Variants in GRIN2B observed in about 807,000 individuals in gnomAD.
GRIN2B encodes glutamate receptor ionotropic, NMDA 2B.
A neutral mutation model predicts 114.5 loss-of-function variants in GRIN2B; 5 were observed. That is an observed-to-expected ratio of 0.04 (90% confidence interval 0.02 to 0.09). The LOEUF (loss-of-function observed/expected upper bound fraction) is 0.09, where lower values mean the gene tolerates loss of function less well. GRIN2B is among the 10% of genes least tolerant of loss of function. The pLI is 1.00. For synonymous variants in GRIN2B, 787 were observed against 745.1 expected (o/e 1.06, Z -0.92); for missense variants, 1,108 against 1,943.5 (o/e 0.57, Z 8.08).
At chr12:13,739,066 T>C (rs1863231704) in intron 4 of GRIN2B, among the ~76,000 whole-genome samples, 1 of 152,056 alleles carries the variant, frequency 6.6e-6, no homozygotes, top group Non-Finnish European at 1.5e-5. Flanking sequence ...TGATACACTT[T>C]AGAAGACTCT....
intron 4 of GRIN2B, among the ~76,000 whole-genome samples, chr12:13,742,493 T>G (rs1451915066): frequency 2.6e-5 from 4 of 152,180 alleles, no homozygotes; most frequent in African/African-American, 9.7e-5. Context: ...TACAGTGGCA[T>G]GATCTCGGCT....
At chr12:13,628,671 C>T (rs1018536103) in intron 5 of GRIN2B, among the ~76,000 whole-genome samples, 1 of 152,200 alleles carries the variant, frequency 6.6e-6, no homozygotes, top group Admixed American at 6.5e-5. Context: ...TCAGATGAGA[C>T]TGCAGAGAGC....
intron 4 of GRIN2B, among the ~76,000 whole-genome samples, chr12:13,685,015 T>C (rs2136550436): frequency 6.6e-6 from 1 of 152,316 alleles, no homozygotes; most frequent in South Asian, 2.1e-4. Flanking sequence ...TCCTGTGAAC[T>C]TTCAGGCCTA....
intron 5 of GRIN2B, among the ~76,000 whole-genome samples, chr12:13,625,847 C>T (rs545118289): frequency 5.9e-5 from 9 of 152,262 alleles, no homozygotes; most frequent in South Asian, 2.1e-4. Context: ...TCCCATTGAG[C>T]GAGGTGGTGC....
chr12:13,911,341 C>A (rs1262810252), intron 2 of GRIN2B, among the ~76,000 whole-genome samples: 2 of 152,076 alleles, frequency 1.3e-5, no homozygotes, highest in Admixed American at 1.3e-4. Context: ...GCACATCAAG[C>A]CTTGCTAGAA....
At chr12:13,664,918 C>A (rs1000279476) in intron 5 of GRIN2B, among the ~76,000 whole-genome samples, 4 of 152,134 alleles carry the variant, frequency 2.6e-5, no homozygotes, top group Non-Finnish European at 5.9e-5. Flanking sequence ...GATGTCTGAT[C>A]AATGGGGCTG....
At chr12:13,970,325 A>G (rs1867853403) in intron 2 of GRIN2B, among the ~76,000 whole-genome samples, 1 of 152,246 alleles carries the variant, frequency 6.6e-6, no homozygotes, top group African/African-American at 2.4e-5. Context: ...AGGAATGAGT[A>G]TATTTTCACT....
At chr12:13,701,213 C>T (rs1000091539) in intron 4 of GRIN2B, among the ~76,000 whole-genome samples, 1 of 152,144 alleles carries the variant, frequency 6.6e-6, no homozygotes, top group Admixed American at 6.5e-5. Flanking sequence ...TCCCTTGACA[C>T]ATGAGGATTA....
At chr12:13,705,743 T>C (rs1358108288) in intron 4 of GRIN2B, among the ~76,000 whole-genome samples, 1 of 152,188 alleles carries the variant, frequency 6.6e-6, no homozygotes, top group Non-Finnish European at 1.5e-5. Flanking sequence ...TTTTAAATAA[T>C]GTAGAGATAC....
At chr12:13,966,331 G>A (rs747351760) in intron 2 of GRIN2B, among the ~76,000 whole-genome samples, 3 of 152,176 alleles carry the variant, frequency 2.0e-5, no homozygotes, top group African/African-American at 2.4e-5. Context: ...CTTTGCCTCC[G>A]TTGTCTTCCT....
At chr12:13,907,147 T>C (rs1866550626) in intron 2 of GRIN2B, among the ~76,000 whole-genome samples, 1 of 152,132 alleles carries the variant, frequency 6.6e-6, no homozygotes, top group Admixed American at 6.6e-5. Context: ...TTGCATAAAC[T>C]CATTATATAC....
At chr12:13,769,981 A>G (rs11055611) in intron 3 of GRIN2B, among the ~76,000 whole-genome samples, 13,906 of 152,250 alleles carry the variant, frequency 0.091, 861 homozygotes, top group East Asian at 0.2. Flanking sequence ...CTGAACTTCT[A>G]TTTTGTTTGA....
At chr12:13,976,639 A>G (rs1416365308) in intron 2 of GRIN2B, among the ~76,000 whole-genome samples, 1 of 152,172 alleles carries the variant, frequency 6.6e-6, no homozygotes, top group Non-Finnish European at 1.5e-5. Flanking sequence ...TTCTTCCCAT[A>G]CAATTTGTCC....
chr12:13,587,439 C>G (rs1460498854), intron 10 of GRIN2B, among the ~76,000 whole-genome samples: 1 of 151,402 alleles, frequency 6.6e-6, no homozygotes, highest in Non-Finnish European at 1.5e-5. Context: ...CTCACTGAAG[C>G]CTTAACCTGG....
Position 13,564,675 on chromosome 12 carries a change from G to A in GRIN2B, c.2599-36C>T, listed in dbSNP as rs755495664. 3.1e-6 allele frequency: 5 copies of A among 1,591,590 alleles called. No individual in the cohort carries two copies. The highest frequency in any genetic ancestry group is 1.1e-5 in the South Asian group (1 of 90,638). ...AATGGAGGGACAGGTTAGATCTCCA[G>A]AGAGGCTAGAAATGACCACAAAAAA... On this transcript the variant is annotated intron_variant, in intron 13 of 13. Coordinates refer to ENST00000609686, the MANE Select transcript of GRIN2B (RefSeq NM_000834.5). The surrounding 1 kb of genome is among the most constrained non-coding windows in gnomAD (Gnocchi z 4.8).
intron 5 of GRIN2B, among the ~76,000 whole-genome samples, chr12:13,625,952 G>C (rs974132192): frequency 2.0e-5 from 3 of 152,152 alleles, no homozygotes; most frequent in Admixed American, 2.0e-4. Flanking sequence ...TTGCTAAACA[G>C]GCTCAAATAG....
intron 3 of GRIN2B, among the ~76,000 whole-genome samples, chr12:13,791,102 G>GA (rs1298155108): frequency 1.3e-5 from 2 of 151,988 alleles, no homozygotes; most frequent in South Asian, 2.1e-4. Flanking sequence ...CATAGCTACA[G>GA]AAAAAAATGA....
chr12:13,792,543 G>A (rs1864338633), intron 3 of GRIN2B, among the ~76,000 whole-genome samples: 1 of 152,240 alleles, frequency 6.6e-6, no homozygotes, highest in Non-Finnish European at 1.5e-5. Context: ...TTGGGGATAA[G>A]AATCTCTCTC....
In GRIN2B at chr12:13,877,974, GA is replaced by G. The variant is rs1291472919; in HGVS notation, c.-18-11749del. 4.0e-5 allele frequency among the ~76,000 whole-genome samples: 6 copies of G among 148,744 alleles called. No individual in the cohort carries two copies. The Admixed American group carries it at 4.1e-4, about 10-fold the overall frequency. On this transcript the variant is annotated intron_variant, in intron 2 of 13. Coordinates refer to ENST00000609686, the MANE Select transcript of GRIN2B (RefSeq NM_000834.5). ...AGCTACTCAGGAGGCTGAGGCAGGA[GA>G]ATTGCTTGAACCTGGGAGGCGGAGG...
Sources: allele counts gnomAD v4.1 joint callset (sites outside exome capture counted in the v4.1 genomes callset), GRCh38; gene constraint gnomAD v4.1.1; non-coding constraint Gnocchi (gnomAD v3.1); transcripts MANE v1.5; gene names NCBI Gene and HGNC (gene_info 2026-07-23, HGNC 2026-07-21).